USP4: variants seen among roughly 807,000 people sequenced by gnomAD.
USP4 encodes the protein ubiquitin specific peptidase 4, also known as ubiquitin carboxyl-terminal hydrolase 4.
In USP4, 72 loss-of-function variants were observed where a neutral mutation model predicts 118.2. The observed-to-expected ratio is 0.61, with a 90% CI of 0.50 to 0.74. The LOEUF is 0.74. Ranked by LOEUF, USP4 falls within the 30% of genes least tolerant of loss-of-function variation. The pLI is 0.00. For synonymous variants in USP4, 415 were observed against 440.4 expected, an observed-to-expected ratio of 0.94 and a Z score of 0.72; for missense variants, 1,037 against 1,185.7, an observed-to-expected ratio of 0.87 and a Z score of 1.84.
chr3:49,316,304 T>C (rs1020171711), intron 6 of USP4, among the ~76,000 whole-genome samples: 3 of 152,184 alleles, frequency 2.0e-5, no homozygotes, highest in Non-Finnish European at 4.4e-5. Flanking sequence ...TATTTATTTA[T>C]TTTGAGAGTG....
Position 49,290,975 on chromosome 3 carries a change from G to A in USP4, c.1972+1535C>T, listed in dbSNP as rs756484576. ...GACTGGGTGATAATCAAGACCCTACGCTTTTTTTTTGGAGACGGAGTCTCA... is the reference window on the plus strand; with the variant it reads ...GACTGGGTGATAATCAAGACCCTACACTTTTTTTTTGGAGACGGAGTCTCA... On this transcript the variant is annotated intron_variant, in intron 15 of 21. Coordinates refer to ENST00000265560, the MANE Select transcript of USP4 (RefSeq NM_003363.4). Among the ~76,000 whole-genome samples the A allele has an allele frequency of 2.0e-5, 3 of 151,506 alleles. No individual in the cohort carries two copies. The South Asian group carries it at 6.3e-4, about 32-fold the overall frequency.
chr3:49,309,033 CAAA>C (rs35731425), intron 8 of USP4, among the ~76,000 whole-genome samples: 2 of 69,616 alleles, frequency 2.9e-5, no homozygotes, highest in Non-Finnish European at 2.8e-5. Context: ...GATGCTGTCT[CAAA>C]AAAAAAAAAA....
chr3:49,328,227 G>A (rs1219772553), intron 2 of USP4, among the ~76,000 whole-genome samples: 4 of 151,838 alleles, frequency 2.6e-5, no homozygotes, highest in Admixed American at 6.6e-5. Flanking sequence ...GTGTGGTAGC[G>A]GGCACCTGTA....
At chr3:49,281,489 TATACACACACACACACACACAC>T (rs1262557766) in intron 19 of USP4, among the ~76,000 whole-genome samples, 12 of 109,082 alleles carry the variant, frequency 1.1e-4, no homozygotes, top group African/African-American at 4.0e-4. Flanking sequence ...TATATATATA[TATACACACACACACACACACAC>T]ACACACACAC....
chr3:49,298,432 T>C, intron 12 of USP4, 120 bp downstream of exon 12: 4 of 884,444 alleles, frequency 4.5e-6, no homozygotes, highest in Non-Finnish European at 7.6e-6. Context: ...CACACACAAA[T>C]AATCACATTT....
chr3:49,281,458 A>T (rs1435706383), intron 19 of USP4, among the ~76,000 whole-genome samples: 1 of 149,280 alleles, frequency 6.7e-6, no homozygotes, highest in East Asian at 2.0e-4. Context: ...TCCGTCTCAA[A>T]AAAGAAAAAA....
At chr3:49,304,977 T>A (rs1409268661) in intron 9 of USP4, among the ~76,000 whole-genome samples, 1 of 151,810 alleles carries the variant, frequency 6.6e-6, no homozygotes, top group Non-Finnish European at 1.5e-5. Flanking sequence ...TTGGTCAGGC[T>A]GATCTCGAAC....
At position 49,311,513 on chromosome 3, in the gene USP4, C is replaced by T. The variant is rs772416862; in HGVS notation, c.836+1G>A. 1 of 1,612,954 alleles carries T rather than the reference C, an allele frequency of 6.2e-7. No individual in the cohort carries two copies. The highest frequency in any genetic ancestry group is 1.1e-5 in the South Asian group (1 of 91,024). Reference sequence around the variant, plus strand: ...AGCAGAGTGAAAGGACCTGCTCTTACCCCCTGCTGACACCGGAACTGTGCA... The same window carrying T: ...AGCAGAGTGAAAGGACCTGCTCTTATCCCCTGCTGACACCGGAACTGTGCA... On this transcript the variant is annotated splice_donor_variant, in intron 7 of 21. Coordinates refer to ENST00000265560, the MANE Select transcript of USP4 (RefSeq NM_003363.4). LOFTEE classifies it high-confidence loss of function.
intron 20 of USP4, among the ~76,000 whole-genome samples, chr3:49,279,610 C>G (rs1038768315): frequency 6.6e-6 from 1 of 152,148 alleles, no homozygotes; most frequent in Non-Finnish European, 1.5e-5. Flanking sequence ...CAGCCCAGTT[C>G]CTGCTCCACC....
chr3:49,335,337 A>T, intron 2 of USP4, 132 bp downstream of exon 2: 1 of 1,273,846 alleles, frequency 7.9e-7, no homozygotes, highest in Non-Finnish European at 1.1e-6. Context: ...CTTCTGCTAT[A>T]GATGCAAAAT....
intron 8 of USP4, among the ~76,000 whole-genome samples, chr3:49,309,117 T>C (rs1338426381): frequency 1.3e-5 from 2 of 151,744 alleles, no homozygotes; most frequent in Non-Finnish European, 2.9e-5. Context: ...TTGATCCTCC[T>C]GACCTCTGCC....
At position 49,322,857 on chromosome 3, in the gene USP4, A is replaced by AG. The variant is rs560475316; in HGVS notation, c.695+1844dup. Among the ~76,000 whole-genome samples, 11 of 151,418 alleles carry AG rather than the reference A, an allele frequency of 7.3e-5. No individual in the cohort carries two copies. In the South Asian group the frequency reaches 2.3e-3, roughly 31 times the overall value. The stretch of plus-strand genomic sequence containing the variant: ...TGGCAAGAGAGTAAGACTCCGTCAC[A>AG]GGGAAAAAAAAAAAAGAAAAAAAAA... On this transcript the variant is annotated intron_variant, in intron 6 of 21. Transcript: ENST00000265560.
intron 13 of USP4, among the ~76,000 whole-genome samples, chr3:49,295,188 C>G (rs12637626): frequency 6.9e-6 from 1 of 145,554 alleles, no homozygotes; most frequent in Non-Finnish European, 1.5e-5. Context: ...ACTCGGGAGG[C>G]TGAGGCAGGA....
rs1263704047 is a variant in USP4 at position 49,317,399 on chromosome 3, G to T, written c.696-5745C>A. On this transcript the variant is annotated intron_variant, in intron 6 of 21. Coordinates refer to ENST00000265560, the MANE Select transcript of USP4 (RefSeq NM_003363.4). ...CACAGCTCCTCCTGCTTCTGGCATA[G>T]CTCCTCTATGCATTTGACCAGCTTG... is the stretch of plus-strand genomic sequence containing the variant. 7.8e-6 allele frequency: 8 copies of T among 1,021,274 alleles called. No homozygotes were observed. The African/African-American group carries it at 1.3e-4, about 16-fold the overall frequency. The allele number at this position is 1,021,274 out of a possible 1,614,324, so 63.3% of individuals were successfully genotyped here.
At chr3:49,292,715 A>G in intron 14 of USP4, 117 bp from the exon 15 acceptor site, 1 of 667,292 alleles carries the variant, frequency 1.5e-6, no homozygotes, top group Non-Finnish European at 2.5e-6. Context: ...GCTACTGACA[A>G]AGCAATTTAT....
Position 49,278,467 on chromosome 3 carries a change from G to A in USP4, c.2734-16C>T, listed in dbSNP as rs2046984490. On this transcript the variant is annotated splice_polypyrimidine_tract_variant and intron_variant, in intron 21 of 21. Transcript: ENST00000265560. The stretch of plus-strand genomic sequence containing the variant: ...CTGCTTTAGTCTGAAATACAAGAGG[G>A]GGAAAGACCATTCAGTGCTTGGAAA... 1 of 1,610,990 alleles carries A rather than the reference G, an allele frequency of 6.2e-7. No homozygotes were observed. Among genetic ancestry groups the A allele is most frequent in the East Asian group, 2.2e-5 (1 of 44,864 alleles).
chr3:49,292,538 G>A lies in USP4; in HGVS notation c.1944C>T (p.Ala648=), dbSNP rs139973454. 3.1e-6 allele frequency: 5 copies of A among 1,597,768 alleles called. No homozygotes were observed. In the African/African-American group the frequency reaches 6.7e-5, roughly 22 times the overall value. Residue 648 remains alanine (A), a synonymous_variant, in exon 15 of 22, where the codon GCC becomes GCT. Transcript: ENST00000265560. The part of the protein sequence containing the change: ...EFGSSPLEPG[A]CNGSRNSCEG... ...CACAGCTGTTCCTGGAGCCATTGCA[G>A]GCCCCTGGCTCCAAGGGTGAGCTGC...
intron 13 of USP4, among the ~76,000 whole-genome samples, chr3:49,295,697 C>CGT (rs1276469422): frequency 4.7e-5 from 7 of 147,936 alleles, no homozygotes; most frequent in East Asian, 2.0e-4. Context: ...AACATATGCA[C>CGT]GTGTGCGCGC....
intron 8 of USP4, among the ~76,000 whole-genome samples, chr3:49,307,030 TGCCTCA>T (rs968674923): frequency 7.8e-4 from 118 of 151,892 alleles, no homozygotes; most frequent in African/African-American, 2.7e-3. Context: ...GTGATCCGCC[TGCCTCA>T]GCCTCCCAAA....
Sources: allele counts gnomAD v4.1 joint callset (sites outside exome capture counted in the v4.1 genomes callset), GRCh38; gene constraint gnomAD v4.1.1; transcripts MANE v1.5; gene names NCBI Gene and HGNC (gene_info 2026-07-23, HGNC 2026-07-21).